PARL: variants seen among roughly 807,000 people sequenced by gnomAD.
PARL encodes the protein presenilin-associated rhomboid-like protein, mitochondrial.
In PARL, 44 loss-of-function variants were observed where a neutral mutation model predicts 51.6. The ratio of observed to expected loss-of-function variants is 0.85; its 90% CI spans 0.67 to 1.10. The LOEUF is 1.10. PARL is among the 50% of genes least tolerant of loss of function. The pLI, the probability that PARL is intolerant of heterozygous loss-of-function variation, is 0.00. For missense variants in PARL, 441 were observed against 469.5 expected, an observed-to-expected ratio of 0.94 and a Z score of 0.56; for synonymous variants, 172 against 164.0, an observed-to-expected ratio of 1.05 and a Z score of -0.37.
At chr3:183,874,138 T>G (rs78608072) in intron 1 of PARL, among the ~76,000 whole-genome samples, 1,919 of 152,282 alleles carry the variant, frequency 0.013, 36 homozygotes, top group African/African-American at 0.044. Context: ...TTTTCTTATC[T>G]GTTATGGTGA....
chr3:183,883,601 C>T (rs748661015), intron 1 of PARL: 34 of 985,176 alleles, frequency 3.5e-5, no homozygotes, highest in Middle Eastern at 5.2e-4. Context: ...CCCCTTAAAC[C>T]ATGCAATCTC....
At chr3:183,837,580 A>G (rs1417223462) in intron 7 of PARL, among the ~76,000 whole-genome samples, 1 of 152,196 alleles carries the variant, frequency 6.6e-6, no homozygotes, top group Admixed American at 6.5e-5. Context: ...CTGCAGTGAC[A>G]AGAGCCCCTA....
chr3:183,882,249 A>ATATATATATATATATATATT lies in PARL; in HGVS notation c.125+2453_125+2472dup, dbSNP rs1734588063. ...TATATATATATATATATATATTTAT[A>ATATATATATATATATATATT]TATATATATATATATATATTTATAT... On this transcript the variant is annotated intron_variant, in intron 1 of 9. Transcript: ENST00000317096. Among the ~76,000 whole-genome samples the ATATATATATATATATATATT allele has an allele frequency of 2.0e-4, 9 of 43,906 alleles. No homozygotes were observed. The South Asian group carries it at 2.6e-3, about 13-fold the overall frequency. The allele number at this position is 43,906 out of a possible 152,430, so 28.8% of individuals were successfully genotyped here.
rs1248239608 is a variant in PARL at position 183,874,969 on chromosome 3, G to C, written c.126-6909C>G. ...CGCCTATAGTACTAGCTACTTGGGA[G>C]GCTGAGGCAGGAAGATCACTTGAGC... On this transcript the variant is annotated intron_variant, in intron 1 of 9. Coordinates refer to ENST00000317096, the MANE Select transcript of PARL (RefSeq NM_018622.7). Among the ~76,000 whole-genome samples the C allele has an allele frequency of 2.6e-5, 4 of 152,312 alleles. No individual in the cohort carries two copies. In the East Asian group the frequency reaches 7.7e-4, roughly 29 times the overall value.
intron 1 of PARL, among the ~76,000 whole-genome samples, chr3:183,872,690 G>A (rs1733350350): frequency 6.6e-6 from 1 of 152,134 alleles, no homozygotes; most frequent in Non-Finnish European, 1.5e-5. Flanking sequence ...CTCCCCTAGA[G>A]CTAGTGGTAA....
At chr3:183,859,594 C>A (rs929966171) in intron 4 of PARL, among the ~76,000 whole-genome samples, 5 of 152,154 alleles carry the variant, frequency 3.3e-5, no homozygotes, top group African/African-American at 1.2e-4. Context: ...CCCAAAAGTG[C>A]TCCCAAAGTG....
chr3:183,880,980 ATT>A (rs919970747), intron 1 of PARL, among the ~76,000 whole-genome samples: 4 of 150,308 alleles, frequency 2.7e-5, no homozygotes, highest in Non-Finnish European at 4.4e-5. Context: ...ATACCCACTA[ATT>A]TTTTTTACTT....
Position 183,835,003 on chromosome 3 carries a change from G to A in PARL, c.829-1178C>T, listed in dbSNP as rs547833068. ...GAACCCGGGAGGCAGAGGTTGCAGT[G>A]AGCCGAGATTGTCCCACTGCACTCC... is the stretch of plus-strand genomic sequence containing the variant. On this transcript the variant is annotated intron_variant, in intron 7 of 9. Transcript: ENST00000317096. Among the ~76,000 whole-genome samples, 6 of 151,848 alleles carry A rather than the reference G, an allele frequency of 4.0e-5. No individual in the cohort carries two copies. In the South Asian group the frequency reaches 1.2e-3, roughly 32 times the overall value.
chr3:183,832,877 G>A (rs1479159897), intron 9 of PARL, among the ~76,000 whole-genome samples: 1 of 152,158 alleles, frequency 6.6e-6, no homozygotes, highest in African/African-American at 2.4e-5. Context: ...TTACAGCTCT[G>A]CTCTGCTATT....
At chr3:183,845,206 T>C (rs1729805189) in intron 4 of PARL, among the ~76,000 whole-genome samples, 1 of 152,172 alleles carries the variant, frequency 6.6e-6, no homozygotes, top group Non-Finnish European at 1.5e-5. Context: ...AGGATTTACT[T>C]TAGAAAACAT....
At chr3:183,863,752 T>C (rs1732116842) in intron 3 of PARL, among the ~76,000 whole-genome samples, 1 of 152,152 alleles carries the variant, frequency 6.6e-6, no homozygotes, top group Admixed American at 6.5e-5. Context: ...TTTCTATAAT[T>C]ATAATTGCAC....
intron 1 of PARL, among the ~76,000 whole-genome samples, chr3:183,882,222 A>AATATATATATATATATATATTT (rs1734540874): frequency 2.2e-4 from 10 of 46,112 alleles, no homozygotes; most frequent in Admixed American, 7.0e-4. Flanking sequence ...AAAAAAAAAA[A>AATATATATATATATATATATTT]ATATATATAT....
chr3:183,862,563 C>T (rs56194940), intron 4 of PARL, 190 bp downstream of exon 4: 28,919 of 575,926 alleles, frequency 0.05, 883 homozygotes, highest in Middle Eastern at 0.082. Context: ...TAGAAAGTAA[C>T]GGACCCAGAG....
rs774165272 is a variant in PARL at position 183,829,704 on chromosome 3, T to C, written c.1034A>G (p.Tyr345Cys). Residue 345 changes from tyrosine (Y) to cysteine (C), a missense_variant, in exon 10 of 10, where the codon TAT (tyrosine) becomes TGT (cysteine). Tyr to Cys is a radical substitution (Grantham distance 194, BLOSUM62 -2). Transcript: ENST00000317096. The part of the protein sequence containing the change: ...HLGGALFGIW[Y>C]VTYGHELIWK... ...AATCAGTTCATGACCGTAAGTAACA[T>C]ACCATCTGGAGAAAAACAAACCAGG... 1.2e-5 allele frequency: 20 copies of C among 1,613,720 alleles called. No individual in the cohort carries two copies. The highest frequency in any genetic ancestry group is 8.0e-5 in the African/African-American group (6 of 74,900).
In PARL at chr3:183,868,044, G is replaced by C; in HGVS notation, c.142C>G (p.Gln48Glu). 6.2e-7 allele frequency: 1 copy of C among 1,613,924 alleles called. No individual in the cohort carries two copies. The highest frequency in any genetic ancestry group is 8.5e-7 in the Non-Finnish European group (1 of 1,179,846). ...GCTTTTCTGAATCCGCATTTTTGTT[G>C]AATAAAGAAGTTAAACCTATGGGGC... Reference protein sequence around the residue: ...LLGRRFNFFIQQKCGFRKAPR... With the variant: ...LLGRRFNFFIEQKCGFRKAPR... Residue 48 changes from glutamine to glutamate, a missense_variant, in exon 2 of 10, where the codon CAA becomes GAA. Coordinates refer to ENST00000317096, the MANE Select transcript of PARL (RefSeq NM_018622.7).
chr3:183,851,983 G>T (rs1467426173), intron 4 of PARL, among the ~76,000 whole-genome samples: 2 of 152,100 alleles, frequency 1.3e-5, no homozygotes, highest in Admixed American at 1.3e-4. Flanking sequence ...AACTTGGCAA[G>T]ACCTCATCTC....
intron 4 of PARL, among the ~76,000 whole-genome samples, chr3:183,851,261 G>C (rs888540648): frequency 6.6e-6 from 1 of 152,110 alleles, no homozygotes; most frequent in Non-Finnish European, 1.5e-5. Flanking sequence ...TCCTTGACAT[G>C]ACACTTAAAA....
At chr3:183,884,613 G>T in intron 1 of PARL, 109 bp downstream of exon 1, 1 of 1,083,778 alleles carries the variant, frequency 9.2e-7, no homozygotes, top group Non-Finnish European at 1.4e-6. Flanking sequence ...AAGGTGAAGG[G>T]GGTGAGCTGG....
chr3:183,836,649 G>C (rs1004760766), intron 7 of PARL, among the ~76,000 whole-genome samples: 14 of 152,166 alleles, frequency 9.2e-5, no homozygotes, highest in Admixed American at 8.5e-4. Context: ...GTGGGTCCAT[G>C]GGAAGAGGTG....
Sources: allele counts gnomAD v4.1 joint callset (sites outside exome capture counted in the v4.1 genomes callset), GRCh38; gene constraint gnomAD v4.1.1; transcripts MANE v1.5; gene names NCBI Gene and HGNC (gene_info 2026-07-23, HGNC 2026-07-21).